Variants in BRCA1 observed in about 807,000 individuals in gnomAD.
BRCA1 encodes the protein BRCA1 DNA repair associated.
A neutral mutation model predicts 173.7 loss-of-function variants in BRCA1; 140 were observed. The observed-to-expected ratio is 0.81, with a 90% CI of 0.70 to 0.93. BRCA1 has a LOEUF of 0.93. Ranked by LOEUF, BRCA1 falls within the 40% of genes least tolerant of loss-of-function variation. BRCA1 has a pLI of 0.00. For synonymous variants in BRCA1, 662 were observed against 756.0 expected, an observed-to-expected ratio of 0.88 and a Z score of 2.04; for missense variants, 1,983 against 2,172.5, an observed-to-expected ratio of 0.91 and a Z score of 1.73.
At chr17:43,077,578 C>T (rs981126284) in intron 12 of BRCA1, among the ~76,000 whole-genome samples, 2 of 152,034 alleles carry the variant, frequency 1.3e-5, no homozygotes, top group Non-Finnish European at 2.9e-5. Context: ...AAGTGATCCA[C>T]CCGCCTTGGC....
In BRCA1 at chr17:43,100,576, TATATATAAC is replaced by T. The variant is rs1225327424; in HGVS notation, c.442-705_442-697del. Among the ~76,000 whole-genome samples, 87 of 24,402 alleles carry T rather than the reference TATATATAAC, an allele frequency of 3.6e-3. 5 individuals carry two copies. The highest frequency in any genetic ancestry group is 5.8e-3 in the African/African-American group (84 of 14,490). 16.0% of individuals were successfully genotyped at this position (24,402 alleles called of 152,430 possible). A position where few individuals can be genotyped will look rare whatever the true frequency, so the allele number is the denominator to read the frequency against. ...TGTGTGTGTATATATATATATAACA[TATATATAAC>T]ATATATATATTATATATATATAACA... On this transcript the variant is annotated intron_variant, in intron 6 of 22. Transcript: ENST00000357654.
intron 1 of BRCA1, among the ~76,000 whole-genome samples, chr17:43,168,561 C>T (rs1450476479): frequency 6.6e-6 from 1 of 152,196 alleles, no homozygotes; most frequent in Admixed American, 6.5e-5. Flanking sequence ...ATCGCTTGAA[C>T]CCACGAGTCA....
At chr17:43,047,956 TAG>T (rs1421903001) in intron 21 of BRCA1, among the ~76,000 whole-genome samples, 8 of 152,150 alleles carry the variant, frequency 5.3e-5, no homozygotes, top group Admixed American at 5.2e-4. Flanking sequence ...GTATTTTTGG[TAG>T]AGACAGGGTT....
At chr17:43,088,061 T>C (rs2053298781) in intron 11 of BRCA1, among the ~76,000 whole-genome samples, 1 of 152,174 alleles carries the variant, frequency 6.6e-6, no homozygotes, top group South Asian at 2.1e-4. Flanking sequence ...TTCCTGGATA[T>C]ATTTTAAAGA....
chr17:43,069,184 C>T (rs890923534), intron 15 of BRCA1, among the ~76,000 whole-genome samples: 1 of 152,220 alleles, frequency 6.6e-6, no homozygotes, highest in Non-Finnish European at 1.5e-5. Flanking sequence ...TACCACCCTC[C>T]GCCAGGATCA....
Position 43,086,109 on chromosome 17 carries a change from T to TACACACACACACAC in BRCA1, c.4186-3548_4186-3535dup, listed in dbSNP as rs376686434. ...TCCTATATTTATTTTATCACATACATACACACACACACACACACACACACA... is the reference window on the plus strand; with the variant it reads ...TCCTATATTTATTTTATCACATACATACACACACACACACACACACACACACACACACACACACA... On this transcript the variant is annotated intron_variant, in intron 11 of 22. Transcript: ENST00000357654. 5.6e-3 allele frequency among the ~76,000 whole-genome samples: 773 copies of TACACACACACACAC among 137,438 alleles called. 13 individuals are homozygous for TACACACACACACAC. The highest frequency in any genetic ancestry group is 0.019 in the African/African-American group (718 of 37,816). The allele number at this position is 137,438 out of a possible 152,430, so 90.2% of individuals were successfully genotyped here.
chr17:43,099,909 C>T, intron 6 of BRCA1, 29 bp from the exon 7 acceptor site: 2 of 1,538,794 alleles, frequency 1.3e-6, no homozygotes, highest in Non-Finnish European at 1.8e-6. Flanking sequence ...AACAGTCAAG[C>T]AATTGTTGGC....
chr17:43,116,117 G>A (rs1253533714), intron 2 of BRCA1, among the ~76,000 whole-genome samples: 1 of 151,922 alleles, frequency 6.6e-6, no homozygotes, highest in Admixed American at 6.6e-5. Context: ...TATCACTGTG[G>A]GTGCACATCT....
At chr17:43,155,685 G>C (rs5018132) in intron 1 of BRCA1, among the ~76,000 whole-genome samples, 45,444 of 151,710 alleles carry the variant, frequency 0.3, 7,316 homozygotes, top group South Asian at 0.49. Context: ...GGCGCATGCT[G>C]CCATGCCTGG....
chr17:43,101,663 C>T (rs896775658), intron 6 of BRCA1, among the ~76,000 whole-genome samples: 1 of 151,908 alleles, frequency 6.6e-6, no homozygotes, highest in Non-Finnish European at 1.5e-5. Context: ...CCACCACACC[C>T]AGCTAATTTT....
chr17:43,071,946 T>G (rs972465108), intron 14 of BRCA1, among the ~76,000 whole-genome samples: 2 of 151,606 alleles, frequency 1.3e-5, no homozygotes, highest in African/African-American at 4.9e-5. Context: ...AGGCAGAGCT[T>G]GCAGTGAGCT....
At chr17:43,140,907 C>T (rs1271394550) in intron 1 of BRCA1, among the ~76,000 whole-genome samples, 1 of 152,192 alleles carries the variant, frequency 6.6e-6, no homozygotes, top group Non-Finnish European at 1.5e-5. Context: ...AATCAGACAT[C>T]GCCTTATTTC....
At position 43,071,201 on chromosome 17, in the gene BRCA1, G is replaced by C. The variant is rs768945711; in HGVS notation, c.4713C>G (p.Phe1571Leu). The change falls in exon 15 of 23, where the codon TTC becomes TTG. Residue 1571 changes from phenylalanine to leucine, a missense_variant. Phe to Leu is a conservative substitution (Grantham distance 22, BLOSUM62 0). Transcript: ENST00000357654. Reference protein sequence around the residue: ...TPYLESGISLFSDDPESDPSE... With the variant: ...TPYLESGISLLSDDPESDPSE... ...AAGGATCAGATTCAGGGTCATCAGA[G>C]AAGAGGCTGATTCCAGATTCCAGGT... 1 of 1,614,218 alleles carries C rather than the reference G, an allele frequency of 6.2e-7. No homozygotes were observed. Among genetic ancestry groups the C allele is most frequent in the South Asian group, 1.1e-5 (1 of 91,082 alleles).
At chr17:43,162,213 A>T (rs1223295099) in intron 1 of BRCA1, 1 of 152,232 alleles carries the variant, frequency 6.6e-6, no homozygotes, top group Non-Finnish European at 1.5e-5. Context: ...AAATGACACA[A>T]GACCAGTATT....
At position 43,155,482 on chromosome 17, in the gene BRCA1, T is replaced by G. The variant is rs376591424; in HGVS notation, c.-20+14644A>C. Among the ~76,000 whole-genome samples the G allele has an allele frequency of 9.2e-5, 14 of 152,196 alleles. No individual in the cohort carries two copies. The East Asian group carries it at 1.7e-3, about 19-fold the overall frequency. ...CTGGCCTCAAGCAGTCTTCCTGCTT[T>G]GGCTTCCCAAAGTGCTGGGATTACA... On this transcript the variant is annotated intron_variant, in intron 1 of 7. Transcript: ENST00000634433.
At position 43,098,819 on chromosome 17, in the gene BRCA1, C is replaced by CTT. The variant is rs1229817948; in HGVS notation, c.547+954_547+955dup. Among the ~76,000 whole-genome samples, 178 of 138,800 alleles carry CTT rather than the reference C, an allele frequency of 1.3e-3. 1 individual carries two copies. Among genetic ancestry groups the CTT allele is most frequent in the African/African-American group, 4.1e-3 (156 of 37,872 alleles). 91.1% of individuals were successfully genotyped at this position (138,800 alleles called of 152,430 possible). ...CATCCTGCCCAGCCAAGATTCAGCT[C>CTT]TTTTTTTTTTTTTTTGAGATGGAGT... On this transcript the variant is annotated intron_variant, in intron 7 of 22. Transcript: ENST00000357654.
At chr17:43,084,619 T>C (rs572778206) in intron 11 of BRCA1, among the ~76,000 whole-genome samples, 3 of 152,332 alleles carry the variant, frequency 2.0e-5, no homozygotes, top group Non-Finnish European at 4.4e-5. Context: ...AAACAAGCCA[T>C]CTTCTTTCTC....
chr17:43,048,996 G>A, intron 21 of BRCA1, 125 bp downstream of exon 21: 1 of 873,946 alleles, frequency 1.1e-6, no homozygotes, highest in Non-Finnish European at 1.9e-6. Flanking sequence ...TTTTGGCACA[G>A]GTATGTGGGC....
intron 15 of BRCA1, among the ~76,000 whole-genome samples, chr17:43,069,229 C>A (rs2052280877): frequency 6.6e-6 from 1 of 152,226 alleles, no homozygotes; most frequent in South Asian, 2.1e-4. Context: ...GCTGAAATCC[C>A]AGCCTTGAAA....
Sources: allele counts gnomAD v4.1 joint callset (sites outside exome capture counted in the v4.1 genomes callset), GRCh38; gene constraint gnomAD v4.1.1; transcripts MANE v1.5; gene names NCBI Gene and HGNC (gene_info 2026-07-23, HGNC 2026-07-21).